The following NRXN3 variants were observed in gnomAD, a reference collection of about 807,000 sequenced individuals.
NRXN3 encodes neurexin III.
A neutral mutation model predicts 137.6 loss-of-function variants in NRXN3; 32 were observed. That is an observed-to-expected ratio of 0.23 (90% confidence interval 0.18 to 0.31). The LOEUF (loss-of-function observed/expected upper bound fraction) is 0.31, where lower values mean the gene tolerates loss of function less well. NRXN3 is among the 10% of genes least tolerant of loss of function. NRXN3 has a pLI of 1.00. For synonymous variants in NRXN3, 798 were observed against 784.5 expected (o/e 1.02, Z -0.29); for missense variants, 1,574 against 2,062.5 (o/e 0.76, Z 4.59).
intron 16 of NRXN3, among the ~76,000 whole-genome samples, chr14:79,569,290 C>T (rs2153793380): frequency 6.6e-6 from 1 of 152,106 alleles, no homozygotes; most frequent in East Asian, 1.9e-4. Context: ...GTCTTTGTGG[C>T]TTAGGAGAGA....
intron 15 of NRXN3, among the ~76,000 whole-genome samples, chr14:79,035,451 T>G (rs2099614511): frequency 6.6e-6 from 1 of 152,038 alleles, no homozygotes; most frequent in African/African-American, 2.4e-5. Flanking sequence ...GCCATTCACG[T>G]GAAAAGAAAA....
intron 4 of NRXN3, among the ~76,000 whole-genome samples, chr14:78,495,003 T>A (rs2095748386): frequency 1.3e-5 from 2 of 152,036 alleles, no homozygotes; most frequent in Non-Finnish European, 2.9e-5. Flanking sequence ...TATGGAAGTG[T>A]TTGCCTAGTG....
At chr14:78,814,686 G>T (rs1324707001) in intron 10 of NRXN3, among the ~76,000 whole-genome samples, 1 of 152,160 alleles carries the variant, frequency 6.6e-6, no homozygotes, top group Non-Finnish European at 1.5e-5. Flanking sequence ...GAAATGTCCT[G>T]TTCCTATGGC....
chr14:79,229,127 C>T (rs1476891146), intron 15 of NRXN3, among the ~76,000 whole-genome samples: 1 of 152,088 alleles, frequency 6.6e-6, no homozygotes, highest in Non-Finnish European at 1.5e-5. Flanking sequence ...TTTTCCTTCC[C>T]TTCATCAGCA....
chr14:79,408,029 G>A (rs974582152), intron 15 of NRXN3, among the ~76,000 whole-genome samples: 1 of 152,112 alleles, frequency 6.6e-6, no homozygotes, highest in African/African-American at 2.4e-5. Flanking sequence ...TTTGCAGCTA[G>A]TAAGTTGAAA....
chr14:79,073,805 T>TA (rs2099691511), intron 15 of NRXN3, among the ~76,000 whole-genome samples: 1 of 152,186 alleles, frequency 6.6e-6, no homozygotes, highest in South Asian at 2.1e-4. Context: ...GCATACATAG[T>TA]AAAGTATCAA....
At chr14:78,414,656 C>T (rs2093028574) in intron 4 of NRXN3, among the ~76,000 whole-genome samples, 1 of 152,156 alleles carries the variant, frequency 6.6e-6, no homozygotes, top group South Asian at 2.1e-4. Flanking sequence ...AGATGGGAAT[C>T]ATAGGATCCA....
At chr14:78,416,651 A>G (rs997816900) in intron 4 of NRXN3, among the ~76,000 whole-genome samples, 4 of 152,222 alleles carry the variant, frequency 2.6e-5, no homozygotes, top group Non-Finnish European at 5.9e-5. Flanking sequence ...ATTGCGTCTT[A>G]TAGTAATAAC....
chr14:79,069,912 T>G (rs2099685424), intron 15 of NRXN3, among the ~76,000 whole-genome samples: 1 of 152,158 alleles, frequency 6.6e-6, no homozygotes, highest in African/African-American at 2.4e-5. Context: ...GAAAGTCATA[T>G]GATAAGAGAA....
intron 10 of NRXN3, among the ~76,000 whole-genome samples, chr14:78,939,620 C>T (rs2099349147): frequency 6.6e-6 from 1 of 152,188 alleles, no homozygotes. Context: ...AGCCTGGTGA[C>T]TAGATATATG....
rs568498823 is a variant in NRXN3, at chr14:79,109,015, G to C, written c.3262+120874G>C. ...AAAAAATAGGCTACTGTCTACGATA[G>C]ATAATATGACAATTTCTGTTCAGGT... On this transcript the variant is annotated intron_variant, in intron 15 of 20. Coordinates refer to ENST00000335750, the MANE Select transcript of NRXN3 (RefSeq NM_001330195.2). Among the ~76,000 whole-genome samples, 6 of 152,314 alleles carry C rather than the reference G, an allele frequency of 3.9e-5. No individual in the cohort carries two copies. The East Asian group carries it at 7.7e-4, about 20-fold the overall frequency.
intron 2 of NRXN3, among the ~76,000 whole-genome samples, chr14:78,274,952 A>G (rs1472735900): frequency 2.0e-5 from 3 of 152,154 alleles, no homozygotes; most frequent in African/African-American, 7.2e-5. Flanking sequence ...AGGTGGGAGT[A>G]ATGTGAGCCA....
intron 15 of NRXN3, chr14:79,280,100 T>G (rs76968561): frequency 8.1e-7 from 1 of 1,234,402 alleles, no homozygotes; most frequent in African/African-American, 2.0e-5. Flanking sequence ...GCCTTTTATC[T>G]TTTTTTTTTC....
chr14:79,126,246 A>C (rs1166939593), intron 15 of NRXN3, among the ~76,000 whole-genome samples: 1 of 152,032 alleles, frequency 6.6e-6, no homozygotes, highest in Non-Finnish European at 1.5e-5. Flanking sequence ...ACCTATGTAT[A>C]CATGTGCCGT....
intron 8 of NRXN3, among the ~76,000 whole-genome samples, chr14:78,781,955 C>G (rs1027918264): frequency 2.0e-5 from 3 of 152,198 alleles, no homozygotes; most frequent in African/African-American, 7.2e-5. Context: ...TTTCACCTCC[C>G]CAAACAGATT....
At chr14:78,507,983 G>T (rs2096026881) in intron 4 of NRXN3, among the ~76,000 whole-genome samples, 1 of 152,106 alleles carries the variant, frequency 6.6e-6, no homozygotes, top group Non-Finnish European at 1.5e-5. Flanking sequence ...CTATAATTGG[G>T]TGTTTAATAA....
intron 15 of NRXN3, among the ~76,000 whole-genome samples, chr14:79,013,482 A>G (rs191003208): frequency 6.6e-6 from 1 of 152,266 alleles, no homozygotes; most frequent in Admixed American, 6.5e-5. Context: ...TGGGTAGACA[A>G]TGCCCTCACA....
chr14:79,410,653 T>G (rs1023006392), intron 15 of NRXN3, among the ~76,000 whole-genome samples: 1 of 152,134 alleles, frequency 6.6e-6, no homozygotes, highest in Non-Finnish European at 1.5e-5. Flanking sequence ...TTGCCATTTG[T>G]GAAGTGGAAA....
At chr14:79,131,668 G>GAGGC (rs964162382) in intron 15 of NRXN3, among the ~76,000 whole-genome samples, 1 of 152,232 alleles carries the variant, frequency 6.6e-6, no homozygotes, top group African/African-American at 2.4e-5. Context: ...GGAGCCTACA[G>GAGGC]AGGCAGGCAG....
Sources: allele counts gnomAD v4.1 joint callset (sites outside exome capture counted in the v4.1 genomes callset), GRCh38; gene constraint gnomAD v4.1.1; transcripts MANE v1.5; gene names NCBI Gene and HGNC (gene_info 2026-07-23, HGNC 2026-07-21).